POU3F3: variants seen among roughly 807,000 people sequenced by gnomAD.
POU3F3 encodes POU class 3 homeobox 3.
Under a neutral mutation model 8.6 loss-of-function variants are expected in POU3F3, and 1 was observed. That is an observed-to-expected ratio of 0.12 (90% confidence interval 0.04 to 0.55). POU3F3 has a LOEUF of 0.55. Among genes scored for constraint, POU3F3 ranks in the 20% least tolerant of loss-of-function variants. POU3F3 has a pLI of 0.91. For missense variants in POU3F3, 577 were observed against 690.7 expected (o/e 0.84, Z 1.84); for synonymous variants, 418 against 327.4 (o/e 1.28, Z -2.99).
At chr2:104,911,762 GA>G in the POU3F3 span, among the ~76,000 whole-genome samples, 1 of 152,004 alleles carries the variant, frequency 6.6e-6, no homozygotes, top group Non-Finnish European at 1.5e-5. Flanking sequence ...TGGGAAGCAT[GA>G]AAAGCTGATT....
At chr2:104,869,192 C>T in the POU3F3 span, among the ~76,000 whole-genome samples, 4 of 152,142 alleles carry the variant, frequency 2.6e-5, no homozygotes, top group South Asian at 2.1e-4. Flanking sequence ...AGGTGGATTC[C>T]GGCTGGGAAA....
chr2:104,909,423 A>G, the POU3F3 span, among the ~76,000 whole-genome samples: 1 of 152,248 alleles, frequency 6.6e-6, no homozygotes, highest in Non-Finnish European at 1.5e-5. Flanking sequence ...GCCAGCCAAG[A>G]GATGTGTGTG....
the POU3F3 span, among the ~76,000 whole-genome samples, chr2:104,892,425 G>C: frequency 3.9e-5 from 6 of 152,006 alleles, no homozygotes; most frequent in African/African-American, 1.5e-4. Flanking sequence ...TGAACATGAG[G>C]CCATGTGAGA....
Position 104,856,231 on chromosome 2 carries a change from G to T in POU3F3, c.721G>T (p.Gly241Cys). The T allele has an allele frequency of 3.3e-6, 4 of 1,222,226 alleles. No homozygotes were observed. In the South Asian group the frequency reaches 1.4e-4, roughly 42 times the overall value. The allele number at this position is 1,222,226 out of a possible 1,614,324, so 75.7% of individuals were successfully genotyped here. ...CATGCTGAGCGCGCCACCGGGGCCC[G>T]GCGGCGGCGGCGGCGGCGCGGGCGG... is the stretch of plus-strand genomic sequence containing the variant. ...NGMLSAPPGP[G>C]GGGGGAGGGA... Residue 241 changes from glycine to cysteine, a missense_variant, in exon 1 of 1, where the codon GGC becomes TGC. Around this residue, in one of 7 missense-constraint regions of POU3F3, gnomAD observed 484 missense variants for 422.6 expected, o/e 1.15. Coordinates refer to ENST00000361360, the MANE Select transcript of POU3F3 (RefSeq NM_006236.3).
In POU3F3 at chr2:104,855,942, G is replaced by T. The variant is rs946024694; in HGVS notation, c.432G>T (p.Pro144=). ...CACCGCAGCCGCCGCCGCCACCGCC[G>T]CAGGGCCCCGACGTGAAGGGCGGCG... ...QQPPQPPPPP[P]QGPDVKGGAG... Residue 144 remains proline (P), a synonymous_variant, in exon 1 of 1, where the codon CCG becomes CCT. Coordinates refer to ENST00000361360, the MANE Select transcript of POU3F3 (RefSeq NM_006236.3). The T allele has an allele frequency of 1.9e-6, 2 of 1,062,426 alleles. No individual in the cohort carries two copies. Among genetic ancestry groups the T allele is most frequent in the African/African-American group, 1.8e-5 (1 of 57,132 alleles). The allele number at this position is 1,062,426 out of a possible 1,614,324, so 65.8% of individuals were successfully genotyped here.
the POU3F3 span, among the ~76,000 whole-genome samples, chr2:104,880,800 G>A: frequency 6.6e-6 from 1 of 152,052 alleles, no homozygotes. Flanking sequence ...GTCTTCTGTG[G>A]GCCAAGAGCT....
At chr2:104,913,759 C>T in the POU3F3 span, among the ~76,000 whole-genome samples, 23 of 152,166 alleles carry the variant, frequency 1.5e-4, no homozygotes, top group Non-Finnish European at 2.6e-4. Flanking sequence ...GCACCCTGAA[C>T]GTAGAGCCTG....
the POU3F3 span, among the ~76,000 whole-genome samples, chr2:104,927,249 C>T: frequency 6.6e-6 from 1 of 152,086 alleles, no homozygotes; most frequent in African/African-American, 2.4e-5. Flanking sequence ...TCATTTTGGG[C>T]ATTACAATTT....
the POU3F3 span, chr2:104,870,078 C>T: frequency 6.6e-6 from 1 of 152,328 alleles, no homozygotes; most frequent in Non-Finnish European, 1.5e-5. Context: ...CATACATAAG[C>T]TGCCCACAGT....
At chr2:104,905,992 C>G in the POU3F3 span, among the ~76,000 whole-genome samples, 1 of 152,180 alleles carries the variant, frequency 6.6e-6, no homozygotes, top group African/African-American at 2.4e-5. Flanking sequence ...AAGTCATGAA[C>G]AAATAGATGG....
chr2:104,921,900 G>A, the POU3F3 span, among the ~76,000 whole-genome samples: 1 of 152,182 alleles, frequency 6.6e-6, no homozygotes, highest in Non-Finnish European at 1.5e-5. Flanking sequence ...AGGAGGCTGA[G>A]GCAGGAGAAT....
the POU3F3 span, among the ~76,000 whole-genome samples, chr2:104,896,575 A>G: frequency 5.9e-5 from 9 of 152,242 alleles, no homozygotes; most frequent in Non-Finnish European, 8.8e-5. Context: ...AACTTCTTCC[A>G]CAAGTAGCAC....
chr2:104,897,974 A>G, the POU3F3 span, among the ~76,000 whole-genome samples: 1 of 152,134 alleles, frequency 6.6e-6, no homozygotes, highest in African/African-American at 2.4e-5. Flanking sequence ...TTGTTTTCCT[A>G]AGTTATAAGA....
chr2:104,859,220 C>T (rs1347623033), downstream of POU3F3, among the ~76,000 whole-genome samples: 1 of 152,132 alleles, frequency 6.6e-6, no homozygotes, highest in African/African-American at 2.4e-5. Context: ...ATTACCAACT[C>T]AGACTTAAGG....
At chr2:104,925,463 C>T in the POU3F3 span, among the ~76,000 whole-genome samples, 2 of 152,002 alleles carry the variant, frequency 1.3e-5, no homozygotes, top group Non-Finnish European at 1.5e-5. Flanking sequence ...GACTCATGTC[C>T]CTTAAGTTAA....
the POU3F3 span, among the ~76,000 whole-genome samples, chr2:104,881,692 A>G: frequency 1.3e-5 from 2 of 152,260 alleles, no homozygotes; most frequent in Non-Finnish European, 2.9e-5. Context: ...TACTAAATTC[A>G]GGAAAATAAT....
rs1250091136 is a variant in POU3F3, at chr2:104,856,020, G to T, written c.510G>T (p.Pro170=). Residue 170 remains proline, a synonymous_variant, in exon 1 of 1, where the codon CCG becomes CCT. Coordinates refer to ENST00000361360, the MANE Select transcript of POU3F3 (RefSeq NM_006236.3). ...AGTALHHRGP[P]HLGPPPPPPH... ...CAGCGCTGCACCACCGCGGGCCGCC[G>T]CACCTCGGACCCCCGCCGCCGCCCC... 3.0e-6 allele frequency: 3 copies of T among 983,646 alleles called. No homozygotes were observed. The highest frequency in any genetic ancestry group is 3.6e-6 in the Non-Finnish European group (3 of 833,114). 60.9% of individuals were successfully genotyped at this position (983,646 alleles called of 1,614,324 possible).
chr2:104,925,052 A>G, the POU3F3 span, among the ~76,000 whole-genome samples: 1 of 152,226 alleles, frequency 6.6e-6, no homozygotes, highest in Admixed American at 6.5e-5. Flanking sequence ...TTCTATCATG[A>G]AGCCCTTTAA....
Position 104,855,664 on chromosome 2 carries a change from C to T in POU3F3, c.154C>T (p.Gln52Ter). 2.8e-6 allele frequency: 3 copies of T among 1,061,244 alleles called. No individual in the cohort carries two copies. Among genetic ancestry groups the T allele is most frequent in the Non-Finnish European group, 3.4e-6 (3 of 874,742 alleles). The allele number at this position is 1,061,244 out of a possible 1,614,324, so 65.7% of individuals were successfully genotyped here. The change falls in exon 1 of 1, where the codon CAG (glutamine) becomes TAG (stop). Residue 52 changes from glutamine to a stop codon, truncating the protein, a stop_gained. Coordinates refer to ENST00000361360, the MANE Select transcript of POU3F3 (RefSeq NM_006236.3). LOFTEE classifies it low-confidence loss of function (END_TRUNC). ...CGCAGGGGGCGGGGGCGGCGGCATG[C>T]AGCCGGGCAGCGCCGCCGTGACCTC... is the stretch of plus-strand genomic sequence containing the variant. ...GGAGGGGGGM[Q>*]PGSAAVTSGA...
Sources: gnomAD v4.1 joint callset for allele counts (sites outside exome capture counted in the v4.1 genomes callset) on GRCh38, gnomAD v4.1.1 for gene constraint, gnomAD v4.1.1 regional missense constraint, MANE v1.5 for transcripts, NCBI Gene and HGNC (gene_info 2026-07-23, HGNC 2026-07-21) for gene names.